TRIQK: variants seen among roughly 807,000 people sequenced by gnomAD.
TRIQK encodes triple QxxK/R motif containing.
TRIQK carries 10 observed loss-of-function variants against 10.8 expected under a neutral mutation model. The observed-to-expected ratio is 0.92, with a 90% CI of 0.57 to 1.57. TRIQK has a LOEUF of 1.57. TRIQK is among the 40% of genes most tolerant of loss of function. The pLI, the probability that TRIQK is intolerant of heterozygous loss-of-function variation, is 0.00. For missense variants in TRIQK, 107 were observed against 97.7 expected, an observed-to-expected ratio of 1.09 and a Z score of -0.40; for synonymous variants, 33 against 33.7, an observed-to-expected ratio of 0.98 and a Z score of 0.07.
At chr8:92,938,578 A>G (rs62520792) in intron 2 of TRIQK, among the ~76,000 whole-genome samples, 9,238 of 152,174 alleles carry the variant, frequency 0.061, 495 homozygotes, top group African/African-American at 0.15. Flanking sequence ...ATTTCTTGAA[A>G]TACTTTTTAT....
chr8:92,964,039 T>C (rs1358450972), intron 1 of TRIQK, among the ~76,000 whole-genome samples: 3 of 152,154 alleles, frequency 2.0e-5, no homozygotes, highest in Non-Finnish European at 4.4e-5. Context: ...TTTTGTAAGA[T>C]AGCAACAAAT....
chr8:92,996,485 G>A (rs1199305882), intron 1 of TRIQK, among the ~76,000 whole-genome samples: 2 of 151,998 alleles, frequency 1.3e-5, no homozygotes, highest in African/African-American at 2.4e-5. Flanking sequence ...GAATAGTGTT[G>A]AGCATTAAGG....
At chr8:92,971,921 C>T (rs1812880729) in intron 1 of TRIQK, among the ~76,000 whole-genome samples, 1 of 152,072 alleles carries the variant, frequency 6.6e-6, no homozygotes, top group Non-Finnish European at 1.5e-5. Flanking sequence ...TGTGTTAATT[C>T]TTTCATTATA....
At chr8:93,003,561 A>G (rs1443392928) in intron 1 of TRIQK, among the ~76,000 whole-genome samples, 1 of 152,092 alleles carries the variant, frequency 6.6e-6, no homozygotes, top group East Asian at 1.9e-4. Flanking sequence ...CCCAAATCTC[A>G]TATTCTTCTC....
At chr8:92,909,074 C>T (rs530074019) in intron 3 of TRIQK, among the ~76,000 whole-genome samples, 1 of 151,914 alleles carries the variant, frequency 6.6e-6, no homozygotes, top group Admixed American at 6.6e-5. Flanking sequence ...ATATTGCAAA[C>T]TACAAATATC....
intron 1 of TRIQK, among the ~76,000 whole-genome samples, chr8:92,987,106 A>G (rs1396389313): frequency 6.6e-6 from 1 of 152,198 alleles, no homozygotes; most frequent in Non-Finnish European, 1.5e-5. Context: ...TTAACATACT[A>G]TGGTCACCAT....
intron 4 of TRIQK, among the ~76,000 whole-genome samples, chr8:92,887,996 C>G (rs985296381): frequency 1.3e-5 from 2 of 151,552 alleles, no homozygotes; most frequent in African/African-American, 4.8e-5. Context: ...TGAATTTTTT[C>G]TTTGTTGCAG....
At chr8:92,960,768 G>A (rs1812420927) in intron 1 of TRIQK, 1 of 152,220 alleles carries the variant, frequency 6.6e-6, no homozygotes, top group South Asian at 2.1e-4. Flanking sequence ...CTCCAGAAAG[G>A]AATGCAGCCC....
chr8:93,004,005 C>T (rs1427517141), intron 1 of TRIQK, among the ~76,000 whole-genome samples: 1 of 152,194 alleles, frequency 6.6e-6, no homozygotes, highest in African/African-American at 2.4e-5. Context: ...CATTGAGTGC[C>T]TGTGGCTTTT....
At chr8:92,942,984 C>T (rs575229072) in intron 2 of TRIQK, among the ~76,000 whole-genome samples, 11 of 151,714 alleles carry the variant, frequency 7.3e-5, no homozygotes, top group South Asian at 6.2e-4. Flanking sequence ...TAAGCCACTA[C>T]GCTTGGCTGA....
In TRIQK at chr8:93,006,340, C is replaced by T. The variant is rs557063047; in HGVS notation, c.-181+11269G>A. Among the ~76,000 whole-genome samples the T allele has an allele frequency of 2.6e-5, 4 of 152,292 alleles. No homozygotes were observed. The East Asian group carries it at 7.7e-4, about 29-fold the overall frequency. The stretch of plus-strand genomic sequence containing the variant: ...AAAGCTGAGTGGTGAGACAGACCAC[C>T]TGGGAAAGGGGAGCTCCCACCCCAA... On this transcript the variant is annotated intron_variant, in intron 1 of 4. Transcript: ENST00000520686.
intron 2 of TRIQK, among the ~76,000 whole-genome samples, chr8:92,936,504 T>A (rs1014041542): frequency 6.6e-6 from 1 of 151,524 alleles, no homozygotes; most frequent in Non-Finnish European, 1.5e-5. Context: ...AGGAATTTAG[T>A]ATATAGAAAT....
chr8:92,938,790 T>C (rs1196061533), intron 2 of TRIQK, among the ~76,000 whole-genome samples: 1 of 152,214 alleles, frequency 6.6e-6, no homozygotes, highest in Non-Finnish European at 1.5e-5. Context: ...CTGCTGTTAA[T>C]ACCATAAAGT....
At chr8:92,940,764 C>G (rs1294239320) in intron 2 of TRIQK, among the ~76,000 whole-genome samples, 2 of 152,110 alleles carry the variant, frequency 1.3e-5, no homozygotes, top group African/African-American at 4.8e-5. Flanking sequence ...AGGCTGCACT[C>G]TAGGCCAAAA....
intron 3 of TRIQK, among the ~76,000 whole-genome samples, chr8:92,904,867 GCTAC>G (rs2130370632): frequency 6.6e-6 from 1 of 152,226 alleles, no homozygotes; most frequent in South Asian, 2.1e-4. Context: ...AAAGAGGTTT[GCTAC>G]CTAAGTCTAA....
intron 1 of TRIQK, among the ~76,000 whole-genome samples, chr8:92,987,901 T>C (rs2130747839): frequency 6.6e-6 from 1 of 151,660 alleles, no homozygotes; most frequent in Non-Finnish European, 1.5e-5. Flanking sequence ...CGCATATAGA[T>C]ACAAAAGACA....
At chr8:92,895,012 A>G (rs906120856) in intron 3 of TRIQK, among the ~76,000 whole-genome samples, 1 of 152,196 alleles carries the variant, frequency 6.6e-6, no homozygotes, top group Non-Finnish European at 1.5e-5. Flanking sequence ...GAGAGGTGGG[A>G]TCTGTAAGAG....
chr8:92,999,784 T>C (rs72660404), intron 1 of TRIQK, among the ~76,000 whole-genome samples: 2 of 152,298 alleles, frequency 1.3e-5, no homozygotes, highest in Admixed American at 1.3e-4. Context: ...TTGATCAAAT[T>C]GTATTTGATG....
At chr8:92,992,256 G>A (rs1813103475) in intron 1 of TRIQK, among the ~76,000 whole-genome samples, 1 of 152,112 alleles carries the variant, frequency 6.6e-6, no homozygotes, top group Admixed American at 6.5e-5. Context: ...AGGAGAAATG[G>A]AAGTTGCCTC....
Sources: gnomAD v4.1 joint callset for allele counts (sites outside exome capture counted in the v4.1 genomes callset) on GRCh38, gnomAD v4.1.1 for gene constraint, MANE v1.5 for transcripts, NCBI Gene and HGNC (gene_info 2026-07-23, HGNC 2026-07-21) for gene names.